Variants in SPAG16 observed in about 807,000 individuals in gnomAD.
The protein encoded by SPAG16 is sperm associated antigen 16.
SPAG16 carries 86 observed loss-of-function variants against 80.4 expected under a neutral mutation model. The ratio of observed to expected loss-of-function variants is 1.07; its 90% CI spans 0.90 to 1.28. The LOEUF (loss-of-function observed/expected upper bound fraction) is 1.28. Among genes scored for constraint, SPAG16 ranks in the 50% most tolerant of loss-of-function variants. SPAG16 has a pLI of 0.00. For missense variants in SPAG16, 870 were observed against 765.3 expected (o/e 1.14, Z -1.61); for synonymous variants, 294 against 265.9 (o/e 1.11, Z -1.03).
intron 10 of SPAG16, among the ~76,000 whole-genome samples, chr2:213,579,556 G>A (rs1432716161): frequency 2.0e-5 from 3 of 152,172 alleles, no homozygotes; most frequent in East Asian, 3.9e-4. Context: ...AAACAAAATA[G>A]GTTGTAGATA....
Position 214,202,335 on chromosome 2 carries a change from G to T in SPAG16, c.1720+53069G>T, listed in dbSNP as rs538346388. Among the ~76,000 whole-genome samples, 3 of 152,164 alleles carry T rather than the reference G, an allele frequency of 2.0e-5. No homozygotes were observed. In the South Asian group the frequency reaches 6.2e-4, roughly 32 times the overall value. On this transcript the variant is annotated intron_variant, in intron 15 of 15. Transcript: ENST00000331683. ...GACAAAAGTATTTACAGAAAGAAAA[G>T]AGGGATAAGGAAAGATATTTGAGCA...
At chr2:214,283,275 G>T (rs1174305109) in intron 15 of SPAG16, among the ~76,000 whole-genome samples, 2 of 152,060 alleles carry the variant, frequency 1.3e-5, no homozygotes, top group African/African-American at 4.8e-5. Flanking sequence ...TCTTAAAAGT[G>T]TAAAGACTTT....
chr2:213,454,295 G>C (rs1264331457), intron 9 of SPAG16, among the ~76,000 whole-genome samples: 1 of 152,106 alleles, frequency 6.6e-6, no homozygotes, highest in African/African-American at 2.4e-5. Context: ...TAAGAAAGCA[G>C]TGTATATTTC....
chr2:213,444,417 A>G (rs1260624400), intron 9 of SPAG16, among the ~76,000 whole-genome samples: 1 of 152,224 alleles, frequency 6.6e-6, no homozygotes, highest in Non-Finnish European at 1.5e-5. Context: ...TGACCTATAA[A>G]TAACTGTTTA....
chr2:213,767,542 C>T (rs1438479286), intron 10 of SPAG16, among the ~76,000 whole-genome samples: 2 of 151,728 alleles, frequency 1.3e-5, no homozygotes, highest in African/African-American at 2.4e-5. Flanking sequence ...GTTGAGAGGT[C>T]GCTTGAGCCT....
chr2:214,384,935 C>G (rs1318334307), intron 15 of SPAG16, among the ~76,000 whole-genome samples: 1 of 152,200 alleles, frequency 6.6e-6, no homozygotes, highest in East Asian at 1.9e-4. Context: ...TAGATTTCTC[C>G]TTTCCATATT....
chr2:213,584,606 GGAAA>G (rs1480282044), intron 10 of SPAG16, among the ~76,000 whole-genome samples: 18 of 151,582 alleles, frequency 1.2e-4, no homozygotes, highest in Admixed American at 9.9e-4. Context: ...GAAAAAGGAA[GGAAA>G]GAAGGAAGGA....
intron 9 of SPAG16, among the ~76,000 whole-genome samples, chr2:213,403,247 A>G (rs1240134845): frequency 2.4e-4 from 36 of 152,054 alleles, no homozygotes; most frequent in Admixed American, 2.1e-3. Context: ...GTCTGTTCAT[A>G]TCCTTCGCCC....
chr2:213,574,157 A>G (rs544519134), intron 10 of SPAG16, among the ~76,000 whole-genome samples: 12 of 152,200 alleles, frequency 7.9e-5, no homozygotes, highest in South Asian at 4.1e-4. Context: ...GTTATATGCT[A>G]TCACTCTGTC....
At chr2:214,014,920 A>G (rs72934086) in intron 13 of SPAG16, among the ~76,000 whole-genome samples, 45,088 of 152,074 alleles carry the variant, frequency 0.3, 7,616 homozygotes, top group South Asian at 0.59. Context: ...GCTGGAAAGC[A>G]TAGCCTCCAG....
At chr2:213,710,886 G>A (rs1006315597) in intron 10 of SPAG16, among the ~76,000 whole-genome samples, 2 of 152,134 alleles carry the variant, frequency 1.3e-5, no homozygotes, top group African/African-American at 4.8e-5. Flanking sequence ...ATTTACTAAT[G>A]AGCATATTGT....
intron 12 of SPAG16, among the ~76,000 whole-genome samples, chr2:213,935,338 A>G (rs35025898): frequency 1.2e-3 from 183 of 152,162 alleles, no homozygotes; most frequent in South Asian, 3.7e-3. Flanking sequence ...TTTTTCCCTC[A>G]TGACATATTA....
At chr2:213,441,411 ATC>A (rs2070946448) in intron 9 of SPAG16, among the ~76,000 whole-genome samples, 1 of 152,232 alleles carries the variant, frequency 6.6e-6, no homozygotes, top group Admixed American at 6.5e-5. Context: ...ACATATGCAG[ATC>A]TATATATTTC....
intron 15 of SPAG16, among the ~76,000 whole-genome samples, chr2:214,354,729 G>A (rs1405422407): frequency 6.6e-6 from 1 of 151,722 alleles, no homozygotes; most frequent in Non-Finnish European, 1.5e-5. Flanking sequence ...CTTGTAAGTT[G>A]GATTCCTAGG....
At chr2:213,351,308 G>A (rs2065313956) in intron 7 of SPAG16, among the ~76,000 whole-genome samples, 1 of 152,064 alleles carries the variant, frequency 6.6e-6, no homozygotes, top group Non-Finnish European at 1.5e-5. Context: ...TAAACAAATT[G>A]GAGCTCAGAT....
At position 214,259,153 on chromosome 2, in the gene SPAG16, T is replaced by C. The variant is rs181096865; in HGVS notation, c.1720+109887T>C. ...TTGTAGATACTTTTAATTTTGTTACTTTTTTCCTAAGGAGGGTTGATTGAA... is the reference window on the plus strand; with the variant it reads ...TTGTAGATACTTTTAATTTTGTTACCTTTTTCCTAAGGAGGGTTGATTGAA... On this transcript the variant is annotated intron_variant, in intron 15 of 15. Coordinates refer to ENST00000331683, the MANE Select transcript of SPAG16 (RefSeq NM_024532.5). Among the ~76,000 whole-genome samples, 138 of 151,896 alleles carry C rather than the reference T, an allele frequency of 9.1e-4. 1 individual carries two copies. Among genetic ancestry groups the C allele is most frequent in the Non-Finnish European group, 1.5e-3 (104 of 67,948 alleles).
chr2:213,910,634 G>T (rs1477334364), intron 11 of SPAG16, among the ~76,000 whole-genome samples: 1 of 82,466 alleles, frequency 1.2e-5, no homozygotes, highest in Admixed American at 1.3e-4. Context: ...GACTACAGGC[G>T]CCCGCTACCA....
rs199777155 is a variant in SPAG16 at position 214,410,108 on chromosome 2, TTCTC to T, written c.1721-21_1721-18del. ...ACACTTGAAATAAAACTTTGATTCA[TTCTC>T]TCTCTCTCTCCTCTCTGTCTCCCTC... is the stretch of plus-strand genomic sequence containing the variant. On this transcript the variant is annotated intron_variant, in intron 15 of 15. Transcript: ENST00000331683. The T allele has an allele frequency of 1.1e-5, 18 of 1,597,604 alleles. No homozygotes were observed. The African/African-American group carries it at 1.2e-4, about 11-fold the overall frequency.
intron 12 of SPAG16, among the ~76,000 whole-genome samples, chr2:213,954,525 T>C (rs956214367): frequency 1.6e-4 from 24 of 152,258 alleles, no homozygotes; most frequent in African/African-American, 5.3e-4. Flanking sequence ...TACTTTAAGT[T>C]CTGGGATACA....
Sources: allele counts gnomAD v4.1 joint callset (sites outside exome capture counted in the v4.1 genomes callset), GRCh38; gene constraint gnomAD v4.1.1; transcripts MANE v1.5; gene names NCBI Gene and HGNC (gene_info 2026-07-23, HGNC 2026-07-21).